The following PLA2G4B variants were observed in gnomAD, a reference collection of about 807,000 sequenced individuals.
PLA2G4B encodes the protein phospholipase A2 group IVB, also known as cytosolic phospholipase A2 beta.
A neutral mutation model predicts 95.8 loss-of-function variants in PLA2G4B; 122 were observed. That is an observed-to-expected ratio of 1.27 (90% CI 1.10 to 1.48). The LOEUF (loss-of-function observed/expected upper bound fraction) is 1.48. Among genes scored for constraint, PLA2G4B ranks in the 40% most tolerant of loss-of-function variants. The probability of loss-of-function intolerance (pLI) is 0.00; values close to 1 mark genes in which losing one functional copy is unlikely to be tolerated. For missense variants in PLA2G4B, 1,158 were observed against 996.2 expected (o/e 1.16, Z -2.19); for synonymous variants, 518 against 421.5 (o/e 1.23, Z -2.80).
In PLA2G4B at chr15:41,846,326, G is replaced by T; in HGVS notation, c.1724G>T (p.Arg575Leu). ...GCCCAGGCCACACATAATTTCCTGC[G>T]TGGCCTCCATTTCCACAAAGACTAC... The part of the protein sequence containing the change: ...PLAQATHNFL[R>L]GLHFHKDYFQ... The change falls in exon 17 of 20, where the codon CGT becomes CTT. Residue 575 changes from arginine (R) to leucine (L), a missense_variant. Coordinates refer to ENST00000458483, the MANE Select transcript of PLA2G4B (RefSeq NM_001114633.2). The T allele has an allele frequency of 5.0e-6, 8 of 1,612,044 alleles. No individual in the cohort carries two copies. Among genetic ancestry groups the T allele is most frequent in the Non-Finnish European group, 6.8e-6 (8 of 1,178,190 alleles).
Position 41,841,565 on chromosome 15 carries a change from C to T in PLA2G4B, c.484C>T (p.Gln162Ter). The T allele has an allele frequency of 6.2e-7, 1 of 1,614,016 alleles. No homozygotes were observed. The highest frequency in any genetic ancestry group is 1.7e-5 in the Admixed American group (1 of 60,008). Reference protein sequence around the residue: ...LHVQLEETGDQKSSEHRVQLV... With the variant: ...LHVQLEETGD ...CGTTCAACTGGAGGAGACAGGAGAC[C>T]AGAAGTGTGAGTCCCCAACCCACTG... Residue 162 changes from glutamine (Q) to a stop codon, truncating the protein, a stop_gained, in exon 7 of 20, where the codon CAG becomes TAG. Transcript: ENST00000458483. LOFTEE classifies it high-confidence loss of function.
Position 41,842,479 on chromosome 15 carries a change from G to T in PLA2G4B, c.706-75G>T, listed in dbSNP as rs375095758. 6 of 1,587,050 alleles carry T rather than the reference G, an allele frequency of 3.8e-6. No individual in the cohort carries two copies. The African/African-American group carries it at 6.7e-5, about 18-fold the overall frequency. On this transcript the variant is annotated intron_variant, in intron 9 of 19. Coordinates refer to ENST00000458483, the MANE Select transcript of PLA2G4B (RefSeq NM_001114633.2). ...GGTGGCGGGGCGGGGGTGGTGCGCC[G>T]GGGATCAGGGTAAGAGGACCAGAGC...
In PLA2G4B at chr15:41,845,844, C is replaced by T. The variant is rs2065532600; in HGVS notation, c.1495+69C>T. On this transcript the variant is annotated intron_variant, in intron 15 of 19. Coordinates refer to ENST00000458483, the MANE Select transcript of PLA2G4B (RefSeq NM_001114633.2). ...AAATGGGTCCTGGGTGAGAGGGCAG[C>T]CTCGGTCAGAAGAGTTTCCTGGGCC... The T allele has an allele frequency of 5.2e-6, 8 of 1,533,438 alleles. No individual in the cohort carries two copies. In the South Asian group the frequency reaches 6.4e-5, roughly 12 times the overall value. 95.0% of individuals were successfully genotyped at this position (1,533,438 alleles called of 1,614,324 possible).
rs974192448 is a variant in PLA2G4B, at chr15:41,845,771, A to G, written c.1491A>G (p.Leu497=). 6.3e-7 allele frequency: 1 copy of G among 1,597,244 alleles called. No individual in the cohort carries two copies. Among genetic ancestry groups the G allele is most frequent in the Non-Finnish European group, 8.5e-7 (1 of 1,170,898 alleles). Residue 497 remains leucine, a synonymous_variant, in exon 15 of 20, where the codon TTA becomes TTG. Coordinates refer to ENST00000458483, the MANE Select transcript of PLA2G4B (RefSeq NM_001114633.2). ...TTCCTGAGTCCCGCATCTGCTTCTT[A>G]GAAGGTGAGGGGCACTGGCAGGCTG... is the stretch of plus-strand genomic sequence containing the variant. ...KRLPESRICF[L]EGIWSNLYAA...
chr15:41,842,640 G>T (rs750618724), intron 10 of PLA2G4B, 49 bp downstream of exon 10: 7 of 1,601,200 alleles, frequency 4.4e-6, no homozygotes, highest in Non-Finnish European at 6.0e-6. Context: ...AACAACCAGG[G>T]TGCGGGGCTG....
At chr15:41,842,819 C>T (rs1032146228) in intron 10 of PLA2G4B, 6 of 545,762 alleles carry the variant, frequency 1.1e-5, no homozygotes, top group African/African-American at 6.0e-5. Flanking sequence ...GCCAGGCACC[C>T]GGGGAGCACT....
In PLA2G4B at chr15:41,845,087, C is replaced by A. The variant is rs1293800415; in HGVS notation, c.1239+17C>A. ...CATGATGAGGTGCGGGGGCTGCGGC[C>A]TGGGGGCAGAGCCAGGGCAAGGGCT... On this transcript the variant is annotated intron_variant, in intron 13 of 19. Coordinates refer to ENST00000458483, the MANE Select transcript of PLA2G4B (RefSeq NM_001114633.2). 2 of 1,595,152 alleles carry A rather than the reference C, an allele frequency of 1.3e-6. No individual in the cohort carries two copies. The highest frequency in any genetic ancestry group is 4.6e-5 in the East Asian group (2 of 43,942).
In PLA2G4B at chr15:41,846,691, C is replaced by T. The variant is rs2065555901; in HGVS notation, c.1803C>T (p.Pro601=). ...TWKATTLDGL[P]NQLTPSEPHL... ...CAGCTACCACTCTGGATGGGCTCCC[C>T]AACCAGCTGACACCCTCGGAGCCCC... The change falls in exon 18 of 20, where the codon CCC becomes CCT. Residue 601 remains proline, a synonymous_variant. Transcript: ENST00000458483. 1.9e-6 allele frequency: 3 copies of T among 1,612,114 alleles called. No homozygotes were observed. The highest frequency in any genetic ancestry group is 2.5e-6 in the Non-Finnish European group (3 of 1,178,654).
At chr15:41,844,325 C>T (rs770549114) in intron 11 of PLA2G4B, 146 bp from the exon 12 acceptor site, 27 of 1,389,240 alleles carry the variant, frequency 1.9e-5, no homozygotes, top group Non-Finnish European at 2.7e-5. Context: ...TTCTGGCCCC[C>T]AGGGCTGACT....
chr15:41,841,557 CAG>C lies in PLA2G4B; in HGVS notation c.477_478del (p.Gly160ArgfsTer18). ...TGCTTGCACGTTCAACTGGAGGAGA[CAG>C]GAGACCAGAAGTGTGAGTCCCCAAC... On this transcript the variant is annotated frameshift_variant, in exon 7 of 20. Coordinates refer to ENST00000458483, the MANE Select transcript of PLA2G4B (RefSeq NM_001114633.2). LOFTEE classifies it high-confidence loss of function. 7 of 1,614,070 alleles carry C rather than the reference CAG, an allele frequency of 4.3e-6. No homozygotes were observed. Among genetic ancestry groups the C allele is most frequent in the Non-Finnish European group, 5.9e-6 (7 of 1,179,994 alleles).
At chr15:41,846,504 C>A in intron 17 of PLA2G4B, 122 bp downstream of exon 17, 1 of 1,508,262 alleles carries the variant, frequency 6.6e-7, no homozygotes, top group Non-Finnish European at 8.9e-7. Flanking sequence ...CTACTTGGAA[C>A]AGGGGTCTTT....
Position 41,842,192 on chromosome 15 carries a change from G to A in PLA2G4B, c.622-1G>A. ...AGGTCTGCATTCTTTGTCCCCTGCAGGATGCCCCCGAGGAGCAACTAAAGG... is the reference window on the plus strand; with the variant it reads ...AGGTCTGCATTCTTTGTCCCCTGCAAGATGCCCCCGAGGAGCAACTAAAGG... On this transcript the variant is annotated splice_acceptor_variant, in intron 8 of 19. Transcript: ENST00000458483. LOFTEE classifies it high-confidence loss of function. The A allele has an allele frequency of 6.2e-7, 1 of 1,613,904 alleles. No individual in the cohort carries two copies. Among genetic ancestry groups the A allele is most frequent in the Non-Finnish European group, 8.5e-7 (1 of 1,179,952 alleles).
intron 17 of PLA2G4B, 60 bp from the exon 18 acceptor site, chr15:41,846,609 C>T: frequency 1.3e-6 from 2 of 1,548,488 alleles, no homozygotes; most frequent in Admixed American, 1.8e-5. Context: ...GTCTCTCCTT[C>T]CAGCAGGAAT....
intron 2 of PLA2G4B, 101 bp from the exon 3 acceptor site, chr15:41,840,421 CCT>C (rs2065405447): frequency 6.3e-7 from 1 of 1,599,766 alleles, no homozygotes; most frequent in Admixed American, 1.7e-5. Context: ...TTCCCCTCCC[CCT>C]CAGTCTTAAC....
chr15:41,840,307 G>A, intron 2 of PLA2G4B, 77 bp downstream of exon 2: 2 of 1,595,066 alleles, frequency 1.3e-6, no homozygotes, highest in Non-Finnish European at 1.7e-6. Context: ...GCTGTGGCTG[G>A]ATTTGGTGGA....
chr15:41,840,023 A>C (rs980069761), intron 1 of PLA2G4B, 135 bp from the exon 2 acceptor site: 3 of 964,534 alleles, frequency 3.1e-6, no homozygotes, highest in African/African-American at 3.3e-5. Context: ...TTGTTGATTC[A>C]GGATTCTGAT....
At chr15:41,842,741 AAGTACTGGGAGG>A (rs905863080) in intron 10 of PLA2G4B, 150 bp downstream of exon 10, 52 of 1,237,330 alleles carry the variant, frequency 4.2e-5, no homozygotes, top group South Asian at 2.0e-4. Context: ...AGGGGGCACG[AAGTACTGGGAGG>A]AGTACTGGGA....
chr15:41,847,542 C>T lies in PLA2G4B; in HGVS notation c.2134+19C>T, dbSNP rs2065588813. 1.2e-6 allele frequency: 2 copies of T among 1,602,848 alleles called. No homozygotes were observed. Among genetic ancestry groups the T allele is most frequent in the African/African-American group, 1.3e-5 (1 of 74,762 alleles). ...GCCCCTGGTGAGCTGCTGTTCACCTCCCCATCCTGCTGCCCCAGTCCCCCA... is the reference window on the plus strand; with the variant it reads ...GCCCCTGGTGAGCTGCTGTTCACCTTCCCATCCTGCTGCCCCAGTCCCCCA... On this transcript the variant is annotated intron_variant, in intron 19 of 19. Coordinates refer to ENST00000458483, the MANE Select transcript of PLA2G4B (RefSeq NM_001114633.2).
At chr15:41,841,366 T>A in intron 6 of PLA2G4B, 93 bp downstream of exon 6, 2 of 1,609,514 alleles carry the variant, frequency 1.2e-6, no homozygotes, top group Non-Finnish European at 1.7e-6. Context: ...TGCCTCAGCC[T>A]GGGGACCCTG....
Sources: gnomAD v4.1 joint callset for allele counts on GRCh38, gnomAD v4.1.1 for gene constraint, MANE v1.5 for transcripts, NCBI Gene and HGNC (gene_info 2026-07-23, HGNC 2026-07-21) for gene names.